SOX6: variants seen among roughly 807,000 people sequenced by gnomAD.
SOX6 encodes SRY-box transcription factor 6.
SOX6 carries 11 observed loss-of-function variants against 97.8 expected under a neutral mutation model. That is an observed-to-expected ratio of 0.11 (90% confidence interval 0.07 to 0.19). The LOEUF (loss-of-function observed/expected upper bound fraction) is 0.19, where lower values mean the gene tolerates loss of function less well. SOX6 is among the 10% of genes least tolerant of loss of function. The pLI is 1.00. For synonymous variants in SOX6, 360 were observed against 371.4 expected, an observed-to-expected ratio of 0.97 and a Z score of 0.35; for missense variants, 810 against 1,039.5, an observed-to-expected ratio of 0.78 and a Z score of 3.04.
chr11:16,398,830 C>T (rs1027639788), intron 1 of SOX6, among the ~76,000 whole-genome samples: 5 of 147,502 alleles, frequency 3.4e-5, no homozygotes, highest in African/African-American at 1.3e-4. Context: ...AAAAAAAAAA[C>T]CATAAAAACC....
At chr11:16,189,352 T>C (rs1851568607) in intron 4 of SOX6, among the ~76,000 whole-genome samples, 1 of 151,396 alleles carries the variant, frequency 6.6e-6, no homozygotes, top group Non-Finnish European at 1.5e-5. Context: ...TGCAAGAGGG[T>C]GGTTGGTGGT....
intron 4 of SOX6, among the ~76,000 whole-genome samples, chr11:16,560,368 G>A (rs758769529): frequency 2.0e-5 from 3 of 152,010 alleles, no homozygotes; most frequent in Non-Finnish European, 4.4e-5. Context: ...TGCCTAAAAT[G>A]TAGCAGGTGC....
At chr11:16,514,270 T>A (rs925053841) in intron 4 of SOX6, among the ~76,000 whole-genome samples, 7 of 151,610 alleles carry the variant, frequency 4.6e-5, no homozygotes, top group African/African-American at 1.7e-4. Context: ...TACATATTGT[T>A]ACATGTTCTT....
intron 4 of SOX6, among the ~76,000 whole-genome samples, chr11:16,566,576 C>T (rs1426176652): frequency 6.6e-6 from 1 of 152,210 alleles, no homozygotes; most frequent in Non-Finnish European, 1.5e-5. Flanking sequence ...CATTATTGCC[C>T]TATGGTTTTC....
intron 6 of SOX6, among the ~76,000 whole-genome samples, chr11:16,136,808 G>A (rs1849978275): frequency 6.6e-6 from 1 of 152,108 alleles, no homozygotes; most frequent in Non-Finnish European, 1.5e-5. Context: ...CCACTTTATT[G>A]TGGTGGTCTG....
At chr11:16,712,148 G>C (rs988435561) in intron 3 of SOX6, among the ~76,000 whole-genome samples, 4 of 151,768 alleles carry the variant, frequency 2.6e-5, no homozygotes, top group Admixed American at 2.6e-4. Flanking sequence ...CACTCATTGA[G>C]TGATGGGCAT....
At chr11:16,563,466 C>A (rs540109538) in intron 4 of SOX6, among the ~76,000 whole-genome samples, 54 of 152,018 alleles carry the variant, frequency 3.6e-4, no homozygotes, top group African/African-American at 1.2e-3. Flanking sequence ...AACAAACAAA[C>A]AAACAAAAAT....
chr11:16,057,049 C>T (rs540956988), intron 9 of SOX6, among the ~76,000 whole-genome samples: 1 of 152,262 alleles, frequency 6.6e-6, no homozygotes, highest in East Asian at 1.9e-4. Flanking sequence ...CATTTTCCTA[C>T]CCTGGTCCTC....
At chr11:16,313,129 T>C (rs960359153) in intron 3 of SOX6, 16 of 152,198 alleles carry the variant, frequency 1.1e-4, no homozygotes, top group African/African-American at 3.9e-4. Flanking sequence ...TACAATCTGG[T>C]CAAATCACTG....
intron 9 of SOX6, among the ~76,000 whole-genome samples, chr11:16,092,744 C>T (rs1848718846): frequency 6.6e-6 from 1 of 151,514 alleles, no homozygotes; most frequent in South Asian, 2.1e-4. Flanking sequence ...AACTATGAGG[C>T]AACACTACTC....
chr11:16,711,889 C>A (rs1210132662), intron 3 of SOX6, among the ~76,000 whole-genome samples: 1 of 152,042 alleles, frequency 6.6e-6, no homozygotes, highest in Non-Finnish European at 1.5e-5. Context: ...CCCCGCAAAT[C>A]CCCGAAGTCC....
chr11:16,305,731 A>G (rs1855409211), intron 3 of SOX6, among the ~76,000 whole-genome samples: 1 of 152,194 alleles, frequency 6.6e-6, no homozygotes, highest in South Asian at 2.1e-4. Context: ...GCAAATTTTT[A>G]AGTATGAACT....
intron 13 of SOX6, among the ~76,000 whole-genome samples, chr11:15,993,413 G>C (rs1160591240): frequency 6.6e-6 from 1 of 151,984 alleles, no homozygotes; most frequent in East Asian, 1.9e-4. Flanking sequence ...TTTAACAGCA[G>C]AGGGGTCATT....
chr11:16,029,568 G>A (rs1449417072), intron 12 of SOX6, among the ~76,000 whole-genome samples: 5 of 152,018 alleles, frequency 3.3e-5, no homozygotes, highest in East Asian at 3.9e-4. Flanking sequence ...CCTGGAAGGC[G>A]GAGGTTGCAA....
At chr11:16,045,802 T>C (rs757203336) in intron 12 of SOX6, among the ~76,000 whole-genome samples, 11 of 152,170 alleles carry the variant, frequency 7.2e-5, no homozygotes, top group Non-Finnish European at 1.3e-4. Context: ...TACCACTTCA[T>C]CTAACATGCC....
chr11:16,431,354 C>A (rs556729737), intron 1 of SOX6, among the ~76,000 whole-genome samples: 4 of 152,202 alleles, frequency 2.6e-5, no homozygotes, highest in Admixed American at 2.6e-4. Flanking sequence ...CCCATTCTCT[C>A]AAACAGTACC....
At chr11:16,523,126 T>C (rs1388617526) in intron 4 of SOX6, among the ~76,000 whole-genome samples, 2 of 152,116 alleles carry the variant, frequency 1.3e-5, no homozygotes, top group South Asian at 2.1e-4. Context: ...CTGCACCAAG[T>C]GGACCTAATA....
At chr11:16,036,078 CTTT>C (rs767508048) in intron 12 of SOX6, among the ~76,000 whole-genome samples, 4 of 133,786 alleles carry the variant, frequency 3.0e-5, no homozygotes, top group African/African-American at 5.7e-5. Flanking sequence ...TGATTCAACT[CTTT>C]TTTTTTTTTT....
chr11:16,382,933 A>C (rs894531604), intron 1 of SOX6, among the ~76,000 whole-genome samples: 7 of 151,808 alleles, frequency 4.6e-5, no homozygotes, highest in Non-Finnish European at 1.0e-4. Flanking sequence ...AACAAACAAA[A>C]AAAAAACTAA....
Sources: gnomAD v4.1 joint callset for allele counts (sites outside exome capture counted in the v4.1 genomes callset) on GRCh38, gnomAD v4.1.1 for gene constraint, MANE v1.5 for transcripts, NCBI Gene and HGNC (gene_info 2026-07-23, HGNC 2026-07-21) for gene names.